FTCD: variants seen among roughly 807,000 people sequenced by gnomAD.
FTCD encodes the protein formimidoyltransferase-cyclodeaminase.
FTCD carries 76 observed loss-of-function variants against 62.9 expected under a neutral mutation model. That is an observed-to-expected ratio of 1.21 (90% CI 1.00 to 1.46). FTCD has a LOEUF of 1.46. Ranked by LOEUF, FTCD falls within the 40% of genes most tolerant of loss-of-function variation. FTCD has a pLI of 0.00. For missense variants in FTCD, 845 were observed against 751.3 expected (o/e 1.12, Z -1.46); for synonymous variants, 397 against 336.9 (o/e 1.18, Z -1.95).
At chr21:46,147,531 A>G (rs1260363431) in intron 7 of FTCD, among the ~76,000 whole-genome samples, 1 of 152,200 alleles carries the variant, frequency 6.6e-6, no homozygotes, top group East Asian at 1.9e-4. Context: ...ATGCACTGGC[A>G]ATCAAAAATC....
intron 12 of FTCD, among the ~76,000 whole-genome samples, chr21:46,137,649 C>T (rs191542413): frequency 2.8e-4 from 43 of 152,312 alleles, no homozygotes; most frequent in African/African-American, 1.0e-3. Context: ...CCCCCGGAGG[C>T]AGCTTCAGGC....
chr21:46,138,630 G>A lies in FTCD; in HGVS notation c.1321C>T (p.Gln441Ter). Residue 441 changes from glutamine to a stop codon, truncating the protein, a stop_gained, in exon 12 of 14, where the codon CAG (glutamine) becomes TAG (stop). Transcript: ENST00000397746. LOFTEE classifies it high-confidence loss of function. ...GAGACTGCCCGCCTCAGACCCTCCT[G>A]TAGGGCCGCCGTGCGCCTGAAAGGA... The part of the protein sequence containing the change: ...EEKDRRTAAL[Q>*]EGLRRAVSVP... 4 of 1,594,686 alleles carry A rather than the reference G, an allele frequency of 2.5e-6. No homozygotes were observed. The highest frequency in any genetic ancestry group is 1.3e-5 in the African/African-American group (1 of 74,980).
intron 10 of FTCD, among the ~76,000 whole-genome samples, chr21:46,144,052 T>C (rs1327408474): frequency 6.6e-6 from 1 of 152,034 alleles, no homozygotes; most frequent in Non-Finnish European, 1.5e-5. Flanking sequence ...TGATGTGAGC[T>C]GTCCTCTCTC....
chr21:46,141,064 T>C (rs2078993906), intron 10 of FTCD, among the ~76,000 whole-genome samples: 1 of 152,260 alleles, frequency 6.6e-6, no homozygotes, highest in South Asian at 2.1e-4. Context: ...TTCATCTATG[T>C]ACTTTTCCTA....
In FTCD at chr21:46,155,570, CAG is replaced by C; in HGVS notation, c.-49_-48del. On this transcript the variant is annotated 5_prime_UTR_variant, in exon 1 of 14. Transcript: ENST00000397746. ...GCTCCTCTCTGGGCAGATGGAAGGACAGGGCCAGTGCTCCGCAGCCGCCGCCA... is the reference window on the plus strand; with the variant it reads ...GCTCCTCTCTGGGCAGATGGAAGGACGGCCAGTGCTCCGCAGCCGCCGCCA... The C allele has an allele frequency of 6.5e-7, 1 of 1,548,498 alleles. No individual in the cohort carries two copies. The highest frequency in any genetic ancestry group is 8.9e-7 in the Non-Finnish European group (1 of 1,121,730).
chr21:46,145,767 C>CGCCCTCCCCCCAACAG, intron 9 of FTCD, 51 bp downstream of exon 9: 1 of 356,034 alleles, frequency 2.8e-6, no homozygotes, highest in East Asian at 9.0e-5. Context: ...TTCCCCCTCC[C>CGCCCTCCCCCCAACAG]CGCCCTCCCC....
intron 2 of FTCD, among the ~76,000 whole-genome samples, 182 bp from the exon 3 acceptor site, chr21:46,153,217 C>A (rs922211946): frequency 1.3e-5 from 2 of 152,204 alleles, no homozygotes; most frequent in Non-Finnish European, 2.9e-5. Flanking sequence ...CCTGCCCCAG[C>A]GGCAGCACCA....
At chr21:46,138,024 G>C (rs1416753990) in intron 12 of FTCD, among the ~76,000 whole-genome samples, 2 of 152,008 alleles carry the variant, frequency 1.3e-5, no homozygotes, top group African/African-American at 4.8e-5. Context: ...AGCCTCCCAA[G>C]TAGCTGGGAC....
At chr21:46,155,211 G>A (rs532791013) in intron 1 of FTCD, among the ~76,000 whole-genome samples, 18 of 152,236 alleles carry the variant, frequency 1.2e-4, no homozygotes, top group African/African-American at 4.3e-4. Context: ...ACCCCCCACC[G>A]AAAGCACCCG....
At chr21:46,146,349 G>C (rs1217147130) in intron 7 of FTCD, 22 bp from the exon 8 acceptor site, 2 of 1,563,474 alleles carry the variant, frequency 1.3e-6, no homozygotes, top group Non-Finnish European at 1.7e-6. Context: ...GCTTGGAGTG[G>C]AAACGGCCTC....
At chr21:46,148,225 G>T (rs987970541) in intron 7 of FTCD, among the ~76,000 whole-genome samples, 4 of 152,190 alleles carry the variant, frequency 2.6e-5, no homozygotes, top group African/African-American at 9.7e-5. Context: ...GAAGGGGGTC[G>T]CCTTGGCAAG....
At chr21:46,154,067 C>T (rs754714460) in intron 2 of FTCD, 82 bp downstream of exon 2, 2 of 1,451,604 alleles carry the variant, frequency 1.4e-6, no homozygotes, top group Non-Finnish European at 9.7e-7. Context: ...CCCGGGCCTA[C>T]CCCCTCTCCC....
intron 3 of FTCD, 80 bp downstream of exon 3, chr21:46,152,827 A>G: frequency 8.1e-7 from 1 of 1,237,094 alleles, no homozygotes; most frequent in African/African-American, 1.5e-5. Flanking sequence ...AAGGGCAGGG[A>G]ACTGGGGGAT....
In FTCD at chr21:46,151,713, C is replaced by G. The variant is rs776462116; in HGVS notation, c.481G>C (p.Asp161His). The change falls in exon 5 of 14, where the codon GAC (aspartate) becomes CAC (histidine). Residue 161 changes from aspartate to histidine, a missense_variant. By Grantham distance (81) the Asp-to-His change is moderately conservative. Coordinates refer to ENST00000397746, the MANE Select transcript of FTCD (RefSeq NM_206965.2). ...KKLQQADWAP[D>H]FGPSSFVPSW... Reference sequence around the variant, plus strand: ...GGGACAAAGGAGCTGGGACCAAAGTCGGGCGCCCAGTCGGCCTGCTGGAGC... The same window carrying G: ...GGGACAAAGGAGCTGGGACCAAAGTGGGGCGCCCAGTCGGCCTGCTGGAGC... 1 of 1,612,912 alleles carries G rather than the reference C, an allele frequency of 6.2e-7. No individual in the cohort carries two copies. Among genetic ancestry groups the G allele is most frequent in the East Asian group, 2.2e-5 (1 of 44,880 alleles).
intron 6 of FTCD, 66 bp from the exon 7 acceptor site, chr21:46,150,316 T>A: frequency 1.2e-6 from 2 of 1,609,796 alleles, no homozygotes; most frequent in South Asian, 2.2e-5. Flanking sequence ...CTGGAGGATG[T>A]GGGGCCCCCG....
intron 13 of FTCD, 44 bp downstream of exon 13, chr21:46,137,194 AG>A: frequency 6.3e-7 from 1 of 1,575,834 alleles, no homozygotes; most frequent in Non-Finnish European, 8.7e-7. Flanking sequence ...CTGTGAATCC[AG>A]GCCCCCACGT....
Position 46,145,469 on chromosome 21 carries a change from G to T in FTCD, c.1208C>A (p.Ala403Asp). The T allele has an allele frequency of 6.4e-7, 1 of 1,559,960 alleles. No homozygotes were observed. Residue 403 changes from alanine to aspartate, a missense_variant, in exon 10 of 14, where the codon GCC becomes GAC. By Grantham distance (126) the Ala-to-Asp change is moderately radical. Transcript: ENST00000397746. Reference protein sequence around the residue: ...RLIPPFREASAKLTTLVDADA... With the variant: ...RLIPPFREASDKLTTLVDADA... ...GGCATCCACCAGCGTGGTTAGCTTG[G>T]CCGAAGCCTCGCGGAAGGGCGGGAT...
At chr21:46,153,182 G>A (rs1013598389) in intron 2 of FTCD, 147 bp from the exon 3 acceptor site, 13 of 836,210 alleles carry the variant, frequency 1.6e-5, no homozygotes, top group Non-Finnish European at 2.3e-5. Context: ...CCACAGGGAG[G>A]AGGCCGGCCC....
At chr21:46,155,446 C>T (rs2079404916) in intron 1 of FTCD, 24 bp downstream of exon 1, 2 of 1,603,184 alleles carry the variant, frequency 1.2e-6, no homozygotes, top group Admixed American at 1.7e-5. Flanking sequence ...GCCCTAGATG[C>T]TTGACCAGCT....
Sources: gnomAD v4.1 joint callset for allele counts (sites outside exome capture counted in the v4.1 genomes callset) on GRCh38, gnomAD v4.1.1 for gene constraint, MANE v1.5 for transcripts, NCBI Gene and HGNC (gene_info 2026-07-23, HGNC 2026-07-21) for gene names.